Variants in ENG observed in about 807,000 individuals in gnomAD.
The protein encoded by ENG is endoglin.
ENG carries 17 observed loss-of-function variants against 71.0 expected under a neutral mutation model. The observed-to-expected ratio is 0.24, with a 90% CI of 0.16 to 0.36. The LOEUF (loss-of-function observed/expected upper bound fraction) is 0.36. ENG is among the 10% of genes least tolerant of loss of function. ENG has a pLI of 1.00. For synonymous variants in ENG, 360 were observed against 366.9 expected (o/e 0.98, Z 0.21); for missense variants, 749 against 868.3 (o/e 0.86, Z 1.73).
intron 1 of ENG, 131 bp from the exon 2 acceptor site, chr9:127,843,376 G>A: frequency 8.3e-7 from 1 of 1,198,790 alleles, no homozygotes; most frequent in South Asian, 1.3e-5. Flanking sequence ...CACCTTATGA[G>A]GTGGATATCA....
At chr9:127,829,627 G>A in intron 3 of ENG, 60 bp downstream of exon 3, 1 of 1,607,062 alleles carries the variant, frequency 6.2e-7, no homozygotes, top group Non-Finnish European at 8.5e-7. Context: ...CCACAGAGAT[G>A]GACAGTAGGG....
chr9:127,826,748 G>A, intron 3 of ENG, 76 bp from the exon 4 acceptor site: 1 of 1,572,294 alleles, frequency 6.4e-7, no homozygotes, highest in Non-Finnish European at 8.6e-7. Context: ...AGGTCAGGAA[G>A]TAATTTGTGG....
intron 8 of ENG, among the ~76,000 whole-genome samples, chr9:127,822,718 A>ACAT (rs1431460282): frequency 3.9e-5 from 6 of 152,270 alleles, no homozygotes; most frequent in Non-Finnish European, 8.8e-5. Flanking sequence ...TCTTATGATT[A>ACAT]CATCAATATA....
intron 12 of ENG, 112 bp downstream of exon 12, chr9:127,818,008 T>C (rs1286136759): frequency 1.3e-6 from 2 of 1,562,142 alleles, no homozygotes; most frequent in East Asian, 2.3e-5. Context: ...TGATTAAGGC[T>C]CCGCCCCTCA....
rs1435084814 is a variant in ENG at position 127,838,219 on chromosome 9, G to T, written c.219+4875C>A. Among the ~76,000 whole-genome samples the T allele has an allele frequency of 6.6e-6, 1 of 152,210 alleles. No homozygotes were observed. Among genetic ancestry groups the T allele is most frequent in the Non-Finnish European group, 1.5e-5 (1 of 68,034 alleles). ...CCCTGCAGCCCTGAGAGGAGGCTCA[G>T]AGCCATTTGGGATTTTGGGGTCCTG... On this transcript the variant is annotated intron_variant, in intron 2 of 14. Coordinates refer to ENST00000373203, the MANE Select transcript of ENG (RefSeq NM_001114753.3). This position sits in a 1 kb window ranked among gnomAD's most constrained non-coding sequence, Gnocchi z 4.3.
Position 127,824,829 on chromosome 9 carries a change from C to T in ENG, c.962G>A (p.Ser321Asn). The T allele has an allele frequency of 6.3e-7, 1 of 1,587,156 alleles. No homozygotes were observed. The change falls in exon 7 of 15, where the codon AGC (serine) becomes AAC (asparagine). Residue 321 changes from serine (S) to asparagine (N), a missense_variant. Ser to Asn is a conservative substitution (Grantham distance 46). Transcript: ENST00000373203. ...VASFVELPLA[S>N]IVSLHASSCG... The stretch of plus-strand genomic sequence containing the variant: ...GCTGGAGGCATGAAGTGAGACAATG[C>T]TGGCCAGCGGTAGCTCCACGAAGGA...
intron 2 of ENG, among the ~76,000 whole-genome samples, chr9:127,835,674 C>T (rs1830883240): frequency 6.6e-6 from 1 of 152,156 alleles, no homozygotes; most frequent in Non-Finnish European, 1.5e-5. Flanking sequence ...GCTGCTCCGC[C>T]ACTGTCCCTG....
intron 3 of ENG, among the ~76,000 whole-genome samples, chr9:127,827,609 G>C (rs560536830): frequency 6.6e-6 from 1 of 152,190 alleles, no homozygotes; most frequent in Non-Finnish European, 1.5e-5. Flanking sequence ...TGAAACAGCA[G>C]CAGCAGAAGG....
intron 2 of ENG, among the ~76,000 whole-genome samples, chr9:127,842,853 T>C (rs1326661952): frequency 6.6e-6 from 1 of 152,144 alleles, no homozygotes; most frequent in Non-Finnish European, 1.5e-5. Context: ...GGCTCTTCTC[T>C]ACTCAGCTCT....
chr9:127,841,712 A>G (rs953661933), intron 2 of ENG, among the ~76,000 whole-genome samples: 1 of 152,222 alleles, frequency 6.6e-6, no homozygotes, highest in Non-Finnish European at 1.5e-5. Context: ...CGGAGCTGAC[A>G]CGGCGAAGTC....
chr9:127,825,634 G>GGC lies in ENG; in HGVS notation c.689+60_689+61insGC, dbSNP rs1237852643. On this transcript the variant is annotated intron_variant, in intron 5 of 14. Coordinates refer to ENST00000373203, the MANE Select transcript of ENG (RefSeq NM_001114753.3). ...TAAGGGACCGGAGAGGGGGCGGGGG[G>GGC]GGTCAGGGGGGTGGTCTCTCGGGGT... 5.8e-6 allele frequency: 8 copies of GGC among 1,378,330 alleles called. No homozygotes were observed. The African/African-American group carries it at 1.2e-4, about 21-fold the overall frequency. The allele number at this position is 1,378,330 out of a possible 1,614,324, so 85.4% of individuals were successfully genotyped here.
At chr9:127,829,183 C>A (rs1301964870) in intron 3 of ENG, among the ~76,000 whole-genome samples, 1 of 152,148 alleles carries the variant, frequency 6.6e-6, no homozygotes, top group Non-Finnish European at 1.5e-5. Flanking sequence ...AGGCCAAATC[C>A]ATTTAGAGCA....
At position 127,854,541 on chromosome 9, in the gene ENG, C is replaced by T. The variant is rs569618819; in HGVS notation, c.-186G>A. 701 of 603,220 alleles carry T rather than the reference C, an allele frequency of 1.2e-3. 1 individual carries two copies. Among genetic ancestry groups the T allele is most frequent in the Non-Finnish European group, 1.6e-3 (549 of 348,644 alleles). The allele number at this position is 603,220 out of a possible 1,614,324, so 37.4% of individuals were successfully genotyped here. On this transcript the variant is annotated 5_prime_UTR_variant, in exon 1 of 15. Transcript: ENST00000373203. ...GGGTCAGGAGAAGTGGACACAGGGA[C>T]GCGGGGCTGGGCTGGAGTTGCTGTC... is the stretch of plus-strand genomic sequence containing the variant.
At position 127,838,730 on chromosome 9, in the gene ENG, C is replaced by T. The variant is rs546086714; in HGVS notation, c.219+4364G>A. ...AGACACCAGGCTGGTTTCCTGTCTCCGAGGGTCAGGATGTGACCCTGGGCC... is the reference window on the plus strand; with the variant it reads ...AGACACCAGGCTGGTTTCCTGTCTCTGAGGGTCAGGATGTGACCCTGGGCC... On this transcript the variant is annotated intron_variant, in intron 2 of 14. Transcript: ENST00000373203. This position sits in a 1 kb window ranked among gnomAD's most constrained non-coding sequence, Gnocchi z 4.3. 4.7e-4 allele frequency among the ~76,000 whole-genome samples: 71 copies of T among 152,266 alleles called. No homozygotes were observed. Among genetic ancestry groups the T allele is most frequent in the African/African-American group, 1.6e-3 (65 of 41,556 alleles).
At position 127,824,559 on chromosome 9, in the gene ENG, C is replaced by T. The variant is rs950467475; in HGVS notation, c.992-113G>A. 1.7e-5 allele frequency: 22 copies of T among 1,262,258 alleles called. No individual in the cohort carries two copies. The African/African-American group carries it at 2.7e-4, about 15-fold the overall frequency. 78.2% of individuals were successfully genotyped at this position (1,262,258 alleles called of 1,614,324 possible). On this transcript the variant is annotated intron_variant, in intron 7 of 14. Transcript: ENST00000373203. ...TTTGAGACGGAGTTTTGCTCTGTTA[C>T]CCGGGCTGGAGTGCAGTGGCACGAT...
intron 13 of ENG, chr9:127,816,373 G>A (rs1044774557): frequency 1.3e-5 from 6 of 448,294 alleles, no homozygotes; most frequent in Non-Finnish European, 2.5e-5. Flanking sequence ...GGAGTACAGA[G>A]CCTGCCCCAC....
rs1830621776 is a variant in ENG, at chr9:127,826,606, TG to T, written c.426del (p.Lys143ArgfsTer20). Reference protein sequence around the residue: ...GVNTTELPSFPKTQILEWAAE... With the variant: ...GVNTTELPSFXKTQILEWAAE... ...GCTGCCCACTCAAGGATCTGGGTCT[TG>T]GGGAAGGATGGCAGCTCTGTGGTGT... On this transcript the variant is annotated frameshift_variant, in exon 4 of 15. Coordinates refer to ENST00000373203, the MANE Select transcript of ENG (RefSeq NM_001114753.3). LOFTEE classifies it high-confidence loss of function. 6.2e-7 allele frequency: 1 copy of T among 1,613,926 alleles called. No homozygotes were observed. Among genetic ancestry groups the T allele is most frequent in the African/African-American group, 1.3e-5 (1 of 74,870 alleles).
chr9:127,818,754 A>G lies in ENG; in HGVS notation c.1390T>C (p.Ser464Pro), dbSNP rs748457491. The G allele has an allele frequency of 2.5e-6, 4 of 1,613,992 alleles. No homozygotes were observed. The highest frequency in any genetic ancestry group is 3.4e-6 in the Non-Finnish European group (4 of 1,179,980). The change falls in exon 11 of 15, where the codon TCC (serine) becomes CCC (proline). Residue 464 changes from serine (S) to proline (P), a missense_variant. Ser to Pro is a moderately conservative substitution (Grantham distance 74). Transcript: ENST00000373203. ...LYLSPHFLQA[S>P]NTIEPGQQSF... Reference sequence around the variant, plus strand: ...TGCTGCCCCGGCTCGATGGTGTTGGAGGCCTGGAGGAAGTGTGGGCTGAGG... The same window carrying G: ...TGCTGCCCCGGCTCGATGGTGTTGGGGGCCTGGAGGAAGTGTGGGCTGAGG...
intron 2 of ENG, among the ~76,000 whole-genome samples, chr9:127,833,675 T>C (rs764759231): frequency 3.3e-5 from 5 of 152,190 alleles, no homozygotes; most frequent in Non-Finnish European, 7.3e-5. Context: ...CAAAAGCTCT[T>C]TTCAAAGTTA....
Sources: allele counts gnomAD v4.1 joint callset (sites outside exome capture counted in the v4.1 genomes callset), GRCh38; gene constraint gnomAD v4.1.1; non-coding constraint Gnocchi (gnomAD v3.1); transcripts MANE v1.5; gene names NCBI Gene and HGNC (gene_info 2026-07-23, HGNC 2026-07-21).